Variants in CYFIP1 observed in about 807,000 individuals in gnomAD.
CYFIP1 encodes the protein cytoplasmic FMR1 interacting protein 1, also known as cytoplasmic FMR1-interacting protein 1.
Under a neutral mutation model 163.5 loss-of-function variants are expected in CYFIP1, and 58 were observed. The ratio of observed to expected loss-of-function variants is 0.35; its 90% confidence interval spans 0.29 to 0.44. CYFIP1 has a LOEUF of 0.44. CYFIP1 is among the 20% of genes least tolerant of loss of function. The pLI, the probability that CYFIP1 is intolerant of heterozygous loss-of-function variation, is 1.00. For missense variants in CYFIP1, 1,338 were observed against 1,653.8 expected (o/e 0.81, Z 3.31); for synonymous variants, 663 against 660.7 (o/e 1.00, Z -0.05).
At chr15:22,915,010 C>T (rs897449770) in intron 16 of CYFIP1, 128 bp from the exon 17 acceptor site, 1 of 992,986 alleles carries the variant, frequency 1.0e-6, no homozygotes, top group Admixed American at 3.0e-5. Context: ...GCAGCATGGA[C>T]ATGAGTGGGG....
At position 22,928,051 on chromosome 15, in the gene CYFIP1, C is replaced by T. The variant is rs762210214; in HGVS notation, c.1111-23G>A. 18 of 1,488,150 alleles carry T rather than the reference C, an allele frequency of 1.2e-5. No homozygotes were observed. In the South Asian group the frequency reaches 1.8e-4, roughly 15 times the overall value. 92.2% of individuals were successfully genotyped at this position (1,488,150 alleles called of 1,614,324 possible). On this transcript the variant is annotated intron_variant, in intron 11 of 30. Transcript: ENST00000617928. ...CACCTGCACAAGGCGGGCACGGCCC[C>T]GTGAGAAACCAGCGCCCCCACCCAG...
intron 8 of CYFIP1, 120 bp downstream of exon 8, chr15:22,939,072 C>A: frequency 7.8e-7 from 1 of 1,288,438 alleles, no homozygotes; most frequent in Non-Finnish European, 1.1e-6. Flanking sequence ...ACGCTGTTCA[C>A]ACATGACAGC....
At chr15:22,934,420 C>T (rs1296974928) in intron 9 of CYFIP1, among the ~76,000 whole-genome samples, 1 of 147,470 alleles carries the variant, frequency 6.8e-6, no homozygotes, top group African/African-American at 2.5e-5. Context: ...CTCCTGACCT[C>T]GTGATCTACC....
At position 22,881,865 on chromosome 15, in the gene CYFIP1, C is replaced by G; in HGVS notation, c.2892G>C (p.Arg964=). 6.2e-7 allele frequency: 1 copy of G among 1,611,568 alleles called. No homozygotes were observed. The highest frequency in any genetic ancestry group is 8.5e-7 in the Non-Finnish European group (1 of 1,179,976). ...ACTCACCAGGAGAGCCGTACTCGTG[C>G]CGGGGCAGGCGGCAGATCTTGGGCA... ...EVMPKICRLP[R]HEYGSPGILE... is the part of the protein sequence containing the mutation. The change falls in exon 25 of 31, where the codon CGG becomes CGC. Residue 964 remains arginine, a synonymous_variant. Coordinates refer to ENST00000617928, the MANE Select transcript of CYFIP1 (RefSeq NM_014608.6).
chr15:22,925,827 T>C (rs2061338803), intron 13 of CYFIP1, among the ~76,000 whole-genome samples, 155 bp downstream of exon 13: 1 of 152,154 alleles, frequency 6.6e-6, no homozygotes, highest in South Asian at 2.1e-4. Flanking sequence ...GTTTCTCTAA[T>C]GCGTTCTACT....
chr15:22,880,133 T>A, intron 25 of CYFIP1, 90 bp from the exon 26 acceptor site: 1 of 1,549,812 alleles, frequency 6.5e-7, no homozygotes, highest in South Asian at 1.1e-5. Context: ...CCTGCCGTTC[T>A]GACACCGCCA....
intron 25 of CYFIP1, among the ~76,000 whole-genome samples, chr15:22,880,829 A>T (rs1300574018): frequency 2.0e-5 from 3 of 152,112 alleles, no homozygotes; most frequent in Non-Finnish European, 4.4e-5. Flanking sequence ...GCAGGGACTC[A>T]GCCCCACTTG....
intron 1 of CYFIP1, among the ~76,000 whole-genome samples, chr15:22,963,394 G>A (rs1333412677): frequency 6.6e-6 from 1 of 152,076 alleles, no homozygotes; most frequent in Non-Finnish European, 1.5e-5. Flanking sequence ...AGAGGCTGAG[G>A]CAGGAGAATC....
chr15:22,881,375 T>C (rs79646706), intron 25 of CYFIP1, among the ~76,000 whole-genome samples: 3 of 152,210 alleles, frequency 2.0e-5, no homozygotes, highest in Admixed American at 1.3e-4. Flanking sequence ...AAGCTATTTA[T>C]TTGCATTGCC....
chr15:22,962,382 C>A (rs2062710782), intron 1 of CYFIP1, among the ~76,000 whole-genome samples: 1 of 150,970 alleles, frequency 6.6e-6, no homozygotes, highest in Non-Finnish European at 1.5e-5. Flanking sequence ...TGTATCTCAT[C>A]TATATTCTTC....
intron 21 of CYFIP1, chr15:22,905,284 A>T (rs1380269779): frequency 6.6e-6 from 1 of 152,144 alleles, no homozygotes; most frequent in Non-Finnish European, 1.5e-5. Context: ...GACACTTTCA[A>T]GGTGTCTTCT....
chr15:22,911,258 G>C (rs1259298264), intron 18 of CYFIP1, among the ~76,000 whole-genome samples: 2 of 152,236 alleles, frequency 1.3e-5, no homozygotes, highest in African/African-American at 4.8e-5. Context: ...GTGTGGCCAG[G>C]AGTGACTACC....
chr15:22,951,879 C>A (rs1033047879), intron 1 of CYFIP1, among the ~76,000 whole-genome samples: 4 of 152,118 alleles, frequency 2.6e-5, no homozygotes, highest in African/African-American at 9.7e-5. Flanking sequence ...TGATGTCGAA[C>A]CCACGGAAAA....
At chr15:22,968,686 G>A (rs2062992668) in intron 1 of CYFIP1, among the ~76,000 whole-genome samples, 1 of 152,150 alleles carries the variant, frequency 6.6e-6, no homozygotes. Context: ...CCTTATCCCT[G>A]TGGTCTCCTT....
In CYFIP1 at chr15:22,933,840, A is replaced by G. The variant is rs1382967741; in HGVS notation, c.954T>C (p.Tyr318=). Residue 318 remains tyrosine (Y), a synonymous_variant, in exon 10 of 31, where the codon TAT becomes TAC. Coordinates refer to ENST00000617928, the MANE Select transcript of CYFIP1 (RefSeq NM_014608.6). ...CCTCGTAGTGGGCGCTGGTCTTGAT[A>G]TATCTTGCCAGTTCTATTTGCATGT... is the stretch of plus-strand genomic sequence containing the variant. The part of the protein sequence containing the change: ...FGDMQIELAR[Y]IKTSAHYEEN... 8.7e-6 allele frequency: 14 copies of G among 1,613,478 alleles called. No homozygotes were observed. In the East Asian group the frequency reaches 1.1e-4, roughly 13 times the overall value.
chr15:22,908,889 G>A (rs1332367745), intron 21 of CYFIP1, among the ~76,000 whole-genome samples: 1 of 152,162 alleles, frequency 6.6e-6, no homozygotes, highest in Non-Finnish European at 1.5e-5. Context: ...TTATTAAGTG[G>A]TGTGCTACCT....
At chr15:22,966,394 A>AGGG (rs2062910083) in intron 1 of CYFIP1, among the ~76,000 whole-genome samples, 1 of 35,868 alleles carries the variant, frequency 2.8e-5, no homozygotes, top group Non-Finnish European at 6.0e-5. Context: ...AAAAAAGACA[A>AGGG]GATTAGGACA....
intron 17 of CYFIP1, among the ~76,000 whole-genome samples, chr15:22,914,224 T>C (rs888281954): frequency 1.3e-5 from 2 of 152,096 alleles, no homozygotes; most frequent in African/African-American, 4.8e-5. Context: ...TCACAGGGCC[T>C]GCACTACGAA....
At chr15:22,966,695 C>T (rs986658896) in intron 1 of CYFIP1, among the ~76,000 whole-genome samples, 2 of 152,156 alleles carry the variant, frequency 1.3e-5, no homozygotes, top group African/African-American at 4.8e-5. Context: ...AAGGCAATGC[C>T]ATCCTGAAGA....
Sources: gnomAD v4.1 joint callset for allele counts (sites outside exome capture counted in the v4.1 genomes callset) on GRCh38, gnomAD v4.1.1 for gene constraint, MANE v1.5 for transcripts, NCBI Gene and HGNC (gene_info 2026-07-23, HGNC 2026-07-21) for gene names.